ENTPD1: variants seen among roughly 807,000 people sequenced by gnomAD.
ENTPD1 encodes the protein ectonucleoside triphosphate diphosphohydrolase 1.
Under a neutral mutation model 57.0 loss-of-function variants are expected in ENTPD1, and 33 were observed. The observed-to-expected ratio is 0.58, with a 90% CI of 0.44 to 0.77. The LOEUF is 0.77. Among genes scored for constraint, ENTPD1 ranks in the 30% least tolerant of loss-of-function variants. The pLI is 0.00. For missense variants in ENTPD1, 501 were observed against 603.4 expected (o/e 0.83, Z 1.78); for synonymous variants, 202 against 218.8 (o/e 0.92, Z 0.68).
intron 1 of ENTPD1, among the ~76,000 whole-genome samples, chr10:95,731,494 C>T (rs1566093177): frequency 6.6e-6 from 1 of 152,098 alleles, no homozygotes; most frequent in Non-Finnish European, 1.5e-5. Flanking sequence ...CCACTCTCTG[C>T]CTGATGGCTT....
rs770646031 is a variant in ENTPD1 at position 95,839,815 on chromosome 10, T to A, written c.262+7T>A. 2 of 1,613,604 alleles carry A rather than the reference T, an allele frequency of 1.2e-6. No homozygotes were observed. Among genetic ancestry groups the A allele is most frequent in the African/African-American group, 2.7e-5 (2 of 74,808 alleles). ...GAAGAATGCAGGGTTAAAGGTAAGA[T>A]GAAGACCAAGGGAAGGGGAGGCCAA... On this transcript the variant is annotated splice_region_variant and intron_variant, in intron 3 of 9. Transcript: ENST00000371205.
rs1050744869 is a variant in ENTPD1, at chr10:95,876,252, T to A, written c.*9869T>A. 3.1e-6 allele frequency: 3 copies of A among 978,894 alleles called. No homozygotes were observed. The highest frequency in any genetic ancestry group is 1.8e-5 in the African/African-American group (1 of 57,078). The allele number at this position is 978,894 out of a possible 1,614,324, so 60.6% of individuals were successfully genotyped here. A position where few individuals can be genotyped will look rare whatever the true frequency, so the allele number is the denominator to read the frequency against. On this transcript the variant is annotated 3_prime_UTR_variant, in exon 10 of 10. Coordinates refer to ENST00000371205, the MANE Select transcript of ENTPD1 (RefSeq NM_001776.6). ...CACATAATGTAGATTGCTAATTTTA[T>A]AATAACACAAGTTGATTTTGACATC...
chr10:95,780,391 C>T (rs1246355815), intron 1 of ENTPD1, among the ~76,000 whole-genome samples: 1 of 152,206 alleles, frequency 6.6e-6, no homozygotes, highest in East Asian at 1.9e-4. Flanking sequence ...ATTCAAATCA[C>T]TGCACACATG....
the ENTPD1 span, among the ~76,000 whole-genome samples, chr10:95,703,049 T>C: frequency 6.6e-6 from 1 of 152,094 alleles, no homozygotes; most frequent in Non-Finnish European, 1.5e-5. Context: ...GCTCCCAAAG[T>C]GCTGGGATTA....
intron 1 of ENTPD1, among the ~76,000 whole-genome samples, chr10:95,734,905 A>G (rs1179750311): frequency 6.6e-6 from 1 of 152,230 alleles, no homozygotes; most frequent in African/African-American, 2.4e-5. Context: ...GCTTCAGAGC[A>G]GAGACCTCTG....
chr10:95,735,610 A>C (rs939991961), intron 1 of ENTPD1, among the ~76,000 whole-genome samples: 4 of 151,962 alleles, frequency 2.6e-5, no homozygotes, highest in African/African-American at 9.7e-5. Flanking sequence ...TTGTTTGTTT[A>C]TATGAGATGG....
intron 1 of ENTPD1, among the ~76,000 whole-genome samples, chr10:95,778,996 G>T (rs182183494): frequency 3.0e-4 from 46 of 152,164 alleles, no homozygotes; most frequent in African/African-American, 1.1e-3. Flanking sequence ...CAAAAGTACT[G>T]GTCACAGACC....
Position 95,871,939 on chromosome 10 carries a change from T to G in ENTPD1, c.*5556T>G. The G allele has an allele frequency of 1.0e-6, 1 of 985,392 alleles. No homozygotes were observed. Among genetic ancestry groups the G allele is most frequent in the Non-Finnish European group, 1.2e-6 (1 of 829,920 alleles). The allele number at this position is 985,392 out of a possible 1,614,324, so 61.0% of individuals were successfully genotyped here. A position where few individuals can be genotyped will look rare whatever the true frequency, so the allele number is the denominator to read the frequency against. On this transcript the variant is annotated 3_prime_UTR_variant, in exon 10 of 10. Transcript: ENST00000371205. ...GAGCTAGTCAGGGAATAGTGTGTAT[T>G]TGCAATTACCTAAACTGAACTCTAC...
intron 1 of ENTPD1, among the ~76,000 whole-genome samples, chr10:95,777,663 T>A (rs2098139236): frequency 6.6e-6 from 1 of 152,228 alleles, no homozygotes; most frequent in Non-Finnish European, 1.5e-5. Flanking sequence ...AACACCATGC[T>A]GGGAGAACCA....
At chr10:95,723,664 A>G (rs912365457) in intron 1 of ENTPD1, among the ~76,000 whole-genome samples, 1 of 152,190 alleles carries the variant, frequency 6.6e-6, no homozygotes, top group African/African-American at 2.4e-5. Flanking sequence ...TATGGGTCAG[A>G]AGGAAAGGTA....
chr10:95,761,530 C>A (rs1377171189), intron 1 of ENTPD1, among the ~76,000 whole-genome samples: 1 of 152,106 alleles, frequency 6.6e-6, no homozygotes, highest in Non-Finnish European at 1.5e-5. Flanking sequence ...ACTCCCTCAC[C>A]AAGCTGCCAC....
chr10:95,705,491 T>G, the ENTPD1 span, among the ~76,000 whole-genome samples: 17 of 152,228 alleles, frequency 1.1e-4, no homozygotes, highest in East Asian at 5.8e-4. Flanking sequence ...AACAATTTTT[T>G]TTGTTGTTGT....
At chr10:95,843,685 T>C (rs3181127) in intron 4 of ENTPD1, among the ~76,000 whole-genome samples, 5,691 of 152,262 alleles carry the variant, frequency 0.037, 132 homozygotes, top group Non-Finnish European at 0.049. Context: ...TAAAGGATGC[T>C]ACACAACTGG....
At chr10:95,710,199 G>A (rs748922226), upstream of ENTPD1, among the ~76,000 whole-genome samples, 8 of 151,964 alleles carry the variant, frequency 5.3e-5, no homozygotes, top group Non-Finnish European at 1.2e-4. Flanking sequence ...GAGGTCAGGA[G>A]TTCCAGACTA....
the ENTPD1 span, among the ~76,000 whole-genome samples, chr10:95,694,895 A>AAT: frequency 2.0e-5 from 2 of 98,744 alleles, no homozygotes; most frequent in Non-Finnish European, 3.9e-5. Flanking sequence ...TGAGGAGCTG[A>AAT]TTTTTTTTTT....
chr10:95,810,884 C>T (rs961929159), intron 1 of ENTPD1, among the ~76,000 whole-genome samples: 3 of 152,134 alleles, frequency 2.0e-5, no homozygotes, highest in Non-Finnish European at 4.4e-5. Flanking sequence ...GAAAAAAACG[C>T]AGAGGACCCT....
At chr10:95,811,709 A>G (rs913622814) in intron 1 of ENTPD1, among the ~76,000 whole-genome samples, 18 of 152,302 alleles carry the variant, frequency 1.2e-4, no homozygotes, top group Non-Finnish European at 2.4e-4. Flanking sequence ...CACATAATGA[A>G]ATGTTTTGAA....
the ENTPD1 span, among the ~76,000 whole-genome samples, chr10:95,701,730 C>T: frequency 6.6e-6 from 1 of 152,084 alleles, no homozygotes; most frequent in Non-Finnish European, 1.5e-5. Flanking sequence ...TTTTATAGTA[C>T]ATTCTGCTTG....
rs2098424549 is a variant in ENTPD1, at chr10:95,842,448, G to C, written c.367G>C (p.Glu123Gln). The C allele has an allele frequency of 6.2e-7, 1 of 1,613,998 alleles. No homozygotes were observed. Among genetic ancestry groups the C allele is most frequent in the Non-Finnish European group, 8.5e-7 (1 of 1,180,018 alleles). ...REVIPRSQHQ[E>Q]TPVYLGATAG... ...AGTGATTCCAAGGTCCCAGCACCAA[G>C]AGACACCCGTTTACCTGGGAGCCAC... is the stretch of plus-strand genomic sequence containing the variant. The change falls in exon 4 of 10, where the codon GAG becomes CAG. Residue 123 changes from glutamate (E) to glutamine (Q), a missense_variant. Glu to Gln is a conservative substitution (Grantham distance 29). Coordinates refer to ENST00000371205, the MANE Select transcript of ENTPD1 (RefSeq NM_001776.6).
Sources: gnomAD v4.1 joint callset for allele counts (sites outside exome capture counted in the v4.1 genomes callset) on GRCh38, gnomAD v4.1.1 for gene constraint, MANE v1.5 for transcripts, NCBI Gene and HGNC (gene_info 2026-07-23, HGNC 2026-07-21) for gene names.